The following NUSAP1 variants were observed in gnomAD, a reference collection of about 807,000 sequenced individuals.
NUSAP1 encodes the protein nucleolar and spindle-associated protein 1.
In NUSAP1, 32 loss-of-function variants were observed where a neutral mutation model predicts 52.8. The ratio of observed to expected loss-of-function variants is 0.61; its 90% confidence interval spans 0.46 to 0.81. The LOEUF (loss-of-function observed/expected upper bound fraction) is 0.81, where lower values mean the gene tolerates loss of function less well. Among genes scored for constraint, NUSAP1 ranks in the 40% least tolerant of loss-of-function variants. The pLI, the probability that NUSAP1 is intolerant of heterozygous loss-of-function variation, is 0.00. For missense variants in NUSAP1, 499 were observed against 522.3 expected (o/e 0.96, Z 0.43); for synonymous variants, 195 against 183.1 (o/e 1.06, Z -0.52).
chr15:41,345,525 T>C (rs1438035612), intron 2 of NUSAP1: 1 of 408,728 alleles, frequency 2.4e-6, no homozygotes, highest in Non-Finnish European at 4.7e-6. Context: ...AATGACACGA[T>C]CTCGGCTCAC....
chr15:41,346,910 C>T (rs771873021), intron 2 of NUSAP1, among the ~76,000 whole-genome samples: 5 of 151,278 alleles, frequency 3.3e-5, no homozygotes, highest in East Asian at 3.9e-4. Context: ...CAGTGGCTCA[C>T]GCCTGTAATC....
At chr15:41,378,947 T>G (rs1389878951) in intron 10 of NUSAP1, among the ~76,000 whole-genome samples, 6 of 95,526 alleles carry the variant, frequency 6.3e-5, no homozygotes, top group African/African-American at 1.8e-4. Flanking sequence ...TATCTTGGTT[T>G]TTTTTTTTTT....
intron 5 of NUSAP1, among the ~76,000 whole-genome samples, chr15:41,356,363 T>TTTC (rs1280089161): frequency 1.2e-4 from 18 of 148,972 alleles, no homozygotes; most frequent in African/African-American, 4.2e-4. Context: ...TCTTTTTTTT[T>TTTC]TTTTTTTTTG....
At chr15:41,338,773 T>A (rs1332885359) in intron 1 of NUSAP1, among the ~76,000 whole-genome samples, 1 of 150,892 alleles carries the variant, frequency 6.6e-6, no homozygotes, top group Admixed American at 6.6e-5. Flanking sequence ...CTGGCCAGCA[T>A]GGCAAAACCC....
chr15:41,336,268 A>AAATAATAATAATAAT (rs113121358), intron 1 of NUSAP1, among the ~76,000 whole-genome samples: 1 of 148,666 alleles, frequency 6.7e-6, no homozygotes, highest in African/African-American at 2.5e-5. Context: ...CTCCGTCTAA[A>AAATAATAATAATAAT]AATAATAATA....
Position 41,332,903 on chromosome 15 carries a change from C to A in NUSAP1, c.-55C>A. On this transcript the variant is annotated 5_prime_UTR_variant, in exon 1 of 11. Transcript: ENST00000559596. The stretch of plus-strand genomic sequence containing the variant: ...AGAGTGGCGCCAGGGATTTGAACCG[C>A]GCTGACGAAGTTTGGTGATCCATCT... 7.2e-7 allele frequency: 1 copy of A among 1,398,268 alleles called. No homozygotes were observed. Among genetic ancestry groups the A allele is most frequent in the Non-Finnish European group, 1.0e-6 (1 of 1,002,070 alleles). 86.6% of individuals were successfully genotyped at this position (1,398,268 alleles called of 1,614,324 possible).
chr15:41,366,893 CAT>C (rs1299605800), intron 7 of NUSAP1, among the ~76,000 whole-genome samples: 1 of 152,196 alleles, frequency 6.6e-6, no homozygotes, highest in Non-Finnish European at 1.5e-5. Context: ...AGAACATACT[CAT>C]ATGAATAGGT....
chr15:41,337,425 G>T (rs566851105), intron 1 of NUSAP1, among the ~76,000 whole-genome samples: 30 of 152,156 alleles, frequency 2.0e-4, no homozygotes, highest in Admixed American at 7.9e-4. Flanking sequence ...GGGCCCTCTT[G>T]CTTCCCCTAG....
rs748076836 is a variant in NUSAP1, at chr15:41,379,584, G to A, written c.1233-509G>A. ...TGTTTTGAGACAGTCTCATTCTGTC[G>A]CCCAGTCTGGAGTGCAGTGGCGTGA... On this transcript the variant is annotated intron_variant, in intron 10 of 10. Transcript: ENST00000559596. 5.9e-5 allele frequency among the ~76,000 whole-genome samples: 9 copies of A among 151,946 alleles called. No homozygotes were observed. The East Asian group carries it at 1.2e-3, about 20-fold the overall frequency.
intron 6 of NUSAP1, among the ~76,000 whole-genome samples, chr15:41,361,450 G>A (rs2049175933): frequency 6.6e-6 from 1 of 152,046 alleles, no homozygotes; most frequent in South Asian, 2.1e-4. Flanking sequence ...GCCAGACACA[G>A]TGGCTCACAC....
chr15:41,352,090 C>T (rs1270438440), intron 4 of NUSAP1: 4 of 151,942 alleles, frequency 2.6e-5, no homozygotes, highest in Admixed American at 1.3e-4. Flanking sequence ...ATTACAGGCT[C>T]GTGCCACCAG....
intron 6 of NUSAP1, among the ~76,000 whole-genome samples, chr15:41,359,401 C>T (rs1262338799): frequency 1.3e-5 from 2 of 152,084 alleles, no homozygotes. Flanking sequence ...ATAGTATAGT[C>T]AATTTAAAAG....
chr15:41,337,380 C>T (rs141265966), intron 1 of NUSAP1, among the ~76,000 whole-genome samples: 1 of 152,280 alleles, frequency 6.6e-6, no homozygotes, highest in African/African-American at 2.4e-5. Context: ...CTTTGCCTGT[C>T]TAAGGGCAAC....
chr15:41,375,641 A>G, intron 8 of NUSAP1, 71 bp from the exon 9 acceptor site: 1 of 999,964 alleles, frequency 1.0e-6, no homozygotes, highest in Non-Finnish European at 1.6e-6. Flanking sequence ...TTGAGAAGTA[A>G]CACTTTGATA....
chr15:41,371,514 C>T lies in NUSAP1; in HGVS notation c.849-13C>T. ...CACAGTACTCATGTCTTGTACTCTG[C>T]TGTCCTATTTAGGTTTTCAGCTGCT... On this transcript the variant is annotated splice_polypyrimidine_tract_variant and intron_variant, in intron 7 of 10. Coordinates refer to ENST00000559596, the MANE Select transcript of NUSAP1 (RefSeq NM_016359.5). 2 of 1,585,704 alleles carry T rather than the reference C, an allele frequency of 1.3e-6. No individual in the cohort carries two copies. Among genetic ancestry groups the T allele is most frequent in the Non-Finnish European group, 1.7e-6 (2 of 1,170,146 alleles).
At chr15:41,349,766 CTTT>C (rs1181209511) in intron 3 of NUSAP1, among the ~76,000 whole-genome samples, 2 of 123,532 alleles carry the variant, frequency 1.6e-5, no homozygotes, top group African/African-American at 3.0e-5. Context: ...TTTTTCTTTT[CTTT>C]TTTTTTTTTT....
chr15:41,367,885 C>T (rs889169503), intron 7 of NUSAP1, among the ~76,000 whole-genome samples: 2 of 152,102 alleles, frequency 1.3e-5, no homozygotes, highest in Non-Finnish European at 2.9e-5. Context: ...AGGTGCATCT[C>T]CACTCCCCTG....
chr15:41,337,931 CTTTTTT>C (rs757341496), intron 1 of NUSAP1, among the ~76,000 whole-genome samples: 6 of 110,936 alleles, frequency 5.4e-5, no homozygotes, highest in African/African-American at 1.8e-4. Flanking sequence ...TTTCTTTTTT[CTTTTTT>C]TTTTTTTTTT....
intron 6 of NUSAP1, among the ~76,000 whole-genome samples, chr15:41,361,449 A>G (rs974282513): frequency 4.6e-5 from 7 of 151,980 alleles, no homozygotes; most frequent in African/African-American, 1.7e-4. Context: ...AGCCAGACAC[A>G]GTGGCTCACA....
Sources: allele counts gnomAD v4.1 joint callset (sites outside exome capture counted in the v4.1 genomes callset), GRCh38; gene constraint gnomAD v4.1.1; transcripts MANE v1.5; gene names NCBI Gene and HGNC (gene_info 2026-07-23, HGNC 2026-07-21).